The following SIGLEC15 variants were observed in gnomAD, a reference collection of about 807,000 sequenced individuals.
The protein encoded by SIGLEC15 is sialic acid binding Ig like lectin 15.
Under a neutral mutation model 26.2 loss-of-function variants are expected in SIGLEC15, and 31 were observed. The observed-to-expected ratio is 1.18, with a 90% CI of 0.89 to 1.60. The LOEUF is 1.60. Ranked by LOEUF, SIGLEC15 falls within the 40% of genes most tolerant of loss-of-function variation. SIGLEC15 has a pLI of 0.00. For missense variants in SIGLEC15, 501 were observed against 488.4 expected (o/e 1.03, Z -0.24); for synonymous variants, 207 against 221.9 (o/e 0.93, Z 0.60).
intron 5 of SIGLEC15, among the ~76,000 whole-genome samples, chr18:45,840,681 G>C (rs1206317361): frequency 6.6e-6 from 1 of 152,218 alleles, no homozygotes. Flanking sequence ...CTCTTCTGTG[G>C]CATCCACCCA....
intron 3 of SIGLEC15, 188 bp from the exon 4 acceptor site, chr18:45,838,530 C>T (rs2048295203): frequency 1.3e-6 from 1 of 768,872 alleles, no homozygotes; most frequent in South Asian, 2.1e-5. Flanking sequence ...TCACTTTACA[C>T]ATGGAGAAGC....
rs771219205 is a variant in SIGLEC15 at position 45,843,789 on chromosome 18, G to A, written c.*1602G>A. The stretch of plus-strand genomic sequence containing the variant: ...AGCAACTTGGGAGGCTGAGGCAGAA[G>A]TATTGCTTGAACCCAGGAGGCAGAG... On this transcript the variant is annotated 3_prime_UTR_variant, in exon 6 of 6. Transcript: ENST00000389474. 1 of 152,244 alleles carries A rather than the reference G, an allele frequency of 6.6e-6. No individual in the cohort carries two copies. The highest frequency in any genetic ancestry group is 2.4e-5 in the African/African-American group (1 of 41,428). The allele number at this position is 152,244 out of a possible 1,614,324, so 9.4% of individuals were successfully genotyped here. A position where few individuals can be genotyped will look rare whatever the true frequency, so the allele number is the denominator to read the frequency against.
intron 1 of SIGLEC15, among the ~76,000 whole-genome samples, chr18:45,833,419 C>A (rs2048250345): frequency 1.3e-5 from 2 of 152,146 alleles, no homozygotes. Flanking sequence ...TGGGCTCAAG[C>A]AATCTCATGC....
intron 1 of SIGLEC15, among the ~76,000 whole-genome samples, chr18:45,828,300 T>G (rs1268522992): frequency 6.6e-6 from 1 of 152,156 alleles, no homozygotes; most frequent in African/African-American, 2.4e-5. Flanking sequence ...CTACTTTCCA[T>G]GTCCTCCCCT....
intron 5 of SIGLEC15, among the ~76,000 whole-genome samples, 182 bp downstream of exon 5, chr18:45,840,423 C>T (rs2145079651): frequency 6.6e-6 from 1 of 152,294 alleles, no homozygotes; most frequent in Middle Eastern, 3.4e-3. Context: ...CCAAGGTCTT[C>T]CCTGGACAGA....
At chr18:45,831,696 A>G (rs1245377543) in intron 1 of SIGLEC15, among the ~76,000 whole-genome samples, 1 of 152,172 alleles carries the variant, frequency 6.6e-6, no homozygotes, top group African/African-American at 2.4e-5. Flanking sequence ...AGCTGGTCCA[A>G]CATGCTAAAT....
rs150811619 is a variant in SIGLEC15, at chr18:45,828,158, G to A, written c.52+2378G>A. 5.3e-3 allele frequency among the ~76,000 whole-genome samples: 804 copies of A among 152,292 alleles called. 4 individuals carry two copies. The highest frequency in any genetic ancestry group is 6.8e-3 in the African/African-American group (281 of 41,560). ...GAGGAGCAGGCTCTGCTCCACCACC[G>A]TGTGTGCACCAGAGGCTCTGTGAGC... On this transcript the variant is annotated intron_variant, in intron 1 of 5. Transcript: ENST00000389474.
At chr18:45,826,595 C>T (rs1337285253) in intron 1 of SIGLEC15, among the ~76,000 whole-genome samples, 2 of 152,164 alleles carry the variant, frequency 1.3e-5, no homozygotes, top group South Asian at 2.1e-4. Context: ...TCTCCAGATC[C>T]CAGTCCTTAC....
Position 45,837,664 on chromosome 18 carries a change from G to C in SIGLEC15, c.264G>C (p.Ala88=), listed in dbSNP as rs1272124178. 1.3e-6 allele frequency: 2 copies of C among 1,496,612 alleles called. No individual in the cohort carries two copies. The highest frequency in any genetic ancestry group is 8.8e-7 in the Non-Finnish European group (1 of 1,131,400). 92.7% of individuals were successfully genotyped at this position (1,496,612 alleles called of 1,614,324 possible). A position where few individuals can be genotyped will look rare whatever the true frequency, so the allele number is the denominator to read the frequency against. ...TAIWRAGEPY[A]GPQVFRCAAA... ...TCTGGCGCGCGGGCGAGCCCTATGC[G>C]GGCCCGCAGGTGTTCCGCTGCGCTG... Residue 88 remains alanine, a synonymous_variant, in exon 3 of 6, where the codon GCG becomes GCC. Transcript: ENST00000389474.
At position 45,842,421 on chromosome 18, in the gene SIGLEC15, G is replaced by A. The variant is rs539005196; in HGVS notation, c.*234G>A. On this transcript the variant is annotated 3_prime_UTR_variant, in exon 6 of 6. Transcript: ENST00000389474. ...GCCAGCATTTCGTAAATGTGCATAC[G>A]TCTGTGTGTGTGTGTGTGTGTGAGA... 8.0e-5 allele frequency: 44 copies of A among 549,450 alleles called. No homozygotes were observed. The highest frequency in any genetic ancestry group is 6.3e-4 in the South Asian group (30 of 47,448). The allele number at this position is 549,450 out of a possible 1,614,324, so 34.0% of individuals were successfully genotyped here.
chr18:45,831,956 T>C (rs2048239037), intron 1 of SIGLEC15, among the ~76,000 whole-genome samples: 1 of 152,194 alleles, frequency 6.6e-6, no homozygotes, highest in African/African-American at 2.4e-5. Flanking sequence ...GGTCTTGAAT[T>C]CCTGACCTCA....
intron 5 of SIGLEC15, chr18:45,841,017 C>T (rs901416411): frequency 5.9e-5 from 9 of 152,272 alleles, no homozygotes; most frequent in African/African-American, 2.2e-4. Flanking sequence ...GGCACTGGTA[C>T]TAAAGACACA....
At position 45,838,743 on chromosome 18, in the gene SIGLEC15, G is replaced by T. The variant is rs922233290; in HGVS notation, c.522G>T (p.Ser174=). 10 of 1,580,348 alleles carry T rather than the reference G, an allele frequency of 6.3e-6. No individual in the cohort carries two copies. In the African/African-American group the frequency reaches 9.6e-5, roughly 15 times the overall value. The change falls in exon 4 of 6, where the codon TCG becomes TCT. Residue 174 remains serine (S), a synonymous_variant. Transcript: ENST00000389474. ...CCGCGCCGCGGATCGTCAACATCTC[G>T]GTGCTGCCCAGTCCGGCTCACGCCT... is the stretch of plus-strand genomic sequence containing the variant. ...VTAAPRIVNI[S]VLPSPAHAFR...
chr18:45,827,955 C>T (rs541355906), intron 1 of SIGLEC15, among the ~76,000 whole-genome samples: 3 of 152,348 alleles, frequency 2.0e-5, no homozygotes, highest in South Asian at 2.1e-4. Flanking sequence ...AAGCCACTCG[C>T]GTGAGCCGAC....
At position 45,825,891 on chromosome 18, in the gene SIGLEC15, G is replaced by A. The variant is rs571437234; in HGVS notation, c.52+111G>A. 1,139 of 1,298,526 alleles carry A rather than the reference G, an allele frequency of 8.8e-4. 8 individuals carry two copies. Among genetic ancestry groups the A allele is most frequent in the Middle Eastern group, 3.5e-3 (19 of 5,434 alleles). The allele number at this position is 1,298,526 out of a possible 1,614,324, so 80.4% of individuals were successfully genotyped here. A position where few individuals can be genotyped will look rare whatever the true frequency, so the allele number is the denominator to read the frequency against. On this transcript the variant is annotated intron_variant, in intron 1 of 5. Transcript: ENST00000389474. ...GGAAGCAGGTGTGCAGAGCCTCCAGGCCTGTGGAGGAGGAAGAGCTGCGCT... is the reference window on the plus strand; with the variant it reads ...GGAAGCAGGTGTGCAGAGCCTCCAGACCTGTGGAGGAGGAAGAGCTGCGCT...
chr18:45,835,824 A>G (rs1286915657), intron 1 of SIGLEC15, among the ~76,000 whole-genome samples: 2 of 152,148 alleles, frequency 1.3e-5, no homozygotes, highest in African/African-American at 2.4e-5. Context: ...ACACACCTGG[A>G]GCCCCCAGGC....
At chr18:45,827,235 A>G (rs1240826095) in intron 1 of SIGLEC15, among the ~76,000 whole-genome samples, 1 of 152,164 alleles carries the variant, frequency 6.6e-6, no homozygotes, top group East Asian at 1.9e-4. Context: ...ACTCTTCCCT[A>G]TGAAACATTC....
At chr18:45,840,940 CT>C (rs1477835743) in intron 5 of SIGLEC15, 1 of 152,352 alleles carries the variant, frequency 6.6e-6, no homozygotes, top group East Asian at 1.9e-4. Context: ...ACCAACGCCC[CT>C]GAATCTGAAA....
intron 1 of SIGLEC15, among the ~76,000 whole-genome samples, chr18:45,834,208 A>T (rs1241025335): frequency 2.0e-5 from 3 of 151,720 alleles, no homozygotes; most frequent in African/African-American, 7.3e-5. Context: ...CCCTACTCTA[A>T]CCACCCCTAC....
Sources: allele counts gnomAD v4.1 joint callset (sites outside exome capture counted in the v4.1 genomes callset), GRCh38; gene constraint gnomAD v4.1.1; transcripts MANE v1.5; gene names NCBI Gene and HGNC (gene_info 2026-07-23, HGNC 2026-07-21).